Variants in ATRNL1 observed in about 807,000 individuals in gnomAD.
ATRNL1 encodes the protein attractin like 1, also known as attractin-like protein 1.
A neutral mutation model predicts 182.7 loss-of-function variants in ATRNL1; 95 were observed. That is an observed-to-expected ratio of 0.52 (90% CI 0.44 to 0.62). The LOEUF (loss-of-function observed/expected upper bound fraction) is 0.62, where lower values mean the gene tolerates loss of function less well. Ranked by LOEUF, ATRNL1 falls within the 20% of genes least tolerant of loss-of-function variation. ATRNL1 has a pLI of 0.00. For synonymous variants in ATRNL1, 576 were observed against 568.3 expected (o/e 1.01, Z -0.19); for missense variants, 1,471 against 1,679.5 (o/e 0.88, Z 2.17).
chr10:115,422,071 C>T (rs635813), intron 20 of ATRNL1, among the ~76,000 whole-genome samples: 7 of 151,960 alleles, frequency 4.6e-5, no homozygotes, highest in Admixed American at 2.6e-4. Flanking sequence ...CTTAAATGTA[C>T]GACCCAAAAC....
chr10:115,830,077 T>A (rs1336248798), intron 27 of ATRNL1, among the ~76,000 whole-genome samples: 1 of 152,230 alleles, frequency 6.6e-6, no homozygotes, highest in African/African-American at 2.4e-5. Context: ...GCCCTAATAC[T>A]GCCAAAGTCT....
chr10:115,274,064 G>A (rs1315148210), intron 13 of ATRNL1, among the ~76,000 whole-genome samples: 1 of 152,194 alleles, frequency 6.6e-6, no homozygotes, highest in Admixed American at 6.5e-5. Flanking sequence ...GTTATCTGCA[G>A]AGGATGGTGA....
At chr10:115,941,341 G>A (rs1555124218) in intron 28 of ATRNL1, among the ~76,000 whole-genome samples, 2 of 152,198 alleles carry the variant, frequency 1.3e-5, no homozygotes, top group African/African-American at 4.8e-5. Context: ...CCCAGGACAT[G>A]TTGTCAGAGA....
intron 24 of ATRNL1, among the ~76,000 whole-genome samples, chr10:115,505,085 G>GTAC (rs1360511679): frequency 6.6e-6 from 1 of 152,072 alleles, no homozygotes; most frequent in Non-Finnish European, 1.5e-5. Context: ...AAAAAGTCTG[G>GTAC]TGGTGCTAGA....
At chr10:115,319,401 G>T (rs543499775) in intron 18 of ATRNL1, among the ~76,000 whole-genome samples, 1 of 152,238 alleles carries the variant, frequency 6.6e-6, no homozygotes, top group South Asian at 2.1e-4. Context: ...AGTCTATTAG[G>T]TCCACCTGAT....
At chr10:115,675,914 G>A (rs10885766) in intron 26 of ATRNL1, among the ~76,000 whole-genome samples, 11,066 of 152,108 alleles carry the variant, frequency 0.073, 559 homozygotes, top group Non-Finnish European at 0.11. Context: ...AGTCGAGATC[G>A]CAGGAATCCA....
chr10:115,779,523 C>T (rs1399760604), intron 27 of ATRNL1, among the ~76,000 whole-genome samples: 1 of 152,198 alleles, frequency 6.6e-6, no homozygotes, highest in Non-Finnish European at 1.5e-5. Context: ...ATCAAGGGCA[C>T]CTACCAGAAA....
At chr10:115,888,909 T>C (rs1049330260) in intron 28 of ATRNL1, among the ~76,000 whole-genome samples, 4 of 152,186 alleles carry the variant, frequency 2.6e-5, no homozygotes, top group Admixed American at 6.5e-5. Flanking sequence ...GACATTTCGT[T>C]GGCTGGAACT....
At chr10:115,420,139 G>C (rs113293134) in intron 20 of ATRNL1, among the ~76,000 whole-genome samples, 1,865 of 151,226 alleles carry the variant, frequency 0.012, 15 homozygotes, top group South Asian at 0.034. Flanking sequence ...CGCCTCCCAG[G>C]TTCCAGCAAT....
Position 115,396,523 on chromosome 10 carries a change from G to T in ATRNL1, c.3269+1771G>T, listed in dbSNP as rs181318835. Among the ~76,000 whole-genome samples, 199 of 151,908 alleles carry T rather than the reference G, an allele frequency of 1.3e-3. 1 individual carries two copies. The highest frequency in any genetic ancestry group is 4.5e-3 in the African/African-American group (188 of 41,488). Reference sequence around the variant, plus strand: ...TTTGCACAATGTTCTCCTATTCCCTGCAATTATGTATAATAGCATGTTCTG... The same window carrying T: ...TTTGCACAATGTTCTCCTATTCCCTTCAATTATGTATAATAGCATGTTCTG... On this transcript the variant is annotated intron_variant, in intron 20 of 28. Coordinates refer to ENST00000355044, the MANE Select transcript of ATRNL1 (RefSeq NM_207303.4).
At chr10:115,564,948 TTGA>T (rs1361531415) in intron 26 of ATRNL1, among the ~76,000 whole-genome samples, 8 of 152,154 alleles carry the variant, frequency 5.3e-5, no homozygotes, top group East Asian at 3.9e-4. Flanking sequence ...TTCACATCTA[TTGA>T]TGAGAAGTCA....
intron 21 of ATRNL1, among the ~76,000 whole-genome samples, chr10:115,427,337 C>T (rs1845949688): frequency 6.6e-6 from 1 of 152,072 alleles, no homozygotes; most frequent in Non-Finnish European, 1.5e-5. Context: ...AACAAATTTT[C>T]CACATACTTC....
At chr10:115,791,127 C>A (rs2907580) in intron 27 of ATRNL1, among the ~76,000 whole-genome samples, 118,124 of 152,080 alleles carry the variant, frequency 0.78, 46,012 homozygotes, top group African/African-American at 0.83. Flanking sequence ...TTTTCTCCCC[C>A]AGGTCCACAT....
intron 27 of ATRNL1, among the ~76,000 whole-genome samples, chr10:115,817,255 A>T (rs1335049324): frequency 6.6e-6 from 1 of 152,074 alleles, no homozygotes; most frequent in East Asian, 1.9e-4. Flanking sequence ...CTTTGAATTG[A>T]GGATCAATAT....
chr10:115,366,730 T>A (rs1857064173), intron 19 of ATRNL1, among the ~76,000 whole-genome samples: 1 of 152,014 alleles, frequency 6.6e-6, no homozygotes, highest in African/African-American at 2.4e-5. Context: ...ACAAAATCGG[T>A]TAGCATTTGC....
At chr10:115,126,182 C>T (rs925582393) in intron 3 of ATRNL1, among the ~76,000 whole-genome samples, 11 of 152,114 alleles carry the variant, frequency 7.2e-5, no homozygotes, top group South Asian at 2.1e-4. Context: ...CTCAGCCTCC[C>T]GAGTAGCTGA....
intron 26 of ATRNL1, among the ~76,000 whole-genome samples, chr10:115,586,982 C>G (rs1366842043): frequency 3.8e-4 from 53 of 140,278 alleles, no homozygotes; most frequent in African/African-American, 1.3e-3. Flanking sequence ...AGACAGGACC[C>G]TCAGCTGCAG....
At chr10:115,491,545 G>A (rs1377320083) in intron 24 of ATRNL1, among the ~76,000 whole-genome samples, 1 of 152,096 alleles carries the variant, frequency 6.6e-6, no homozygotes, top group African/African-American at 2.4e-5. Flanking sequence ...TGTTTACACT[G>A]TGAGGGCAAA....
chr10:115,599,445 C>T (rs1461629459), intron 26 of ATRNL1, among the ~76,000 whole-genome samples: 3 of 152,072 alleles, frequency 2.0e-5, no homozygotes, highest in African/African-American at 4.8e-5. Flanking sequence ...TTGTACTTCC[C>T]ATTTGTTATA....
Sources: gnomAD v4.1 joint callset for allele counts (sites outside exome capture counted in the v4.1 genomes callset) on GRCh38, gnomAD v4.1.1 for gene constraint, MANE v1.5 for transcripts, NCBI Gene and HGNC (gene_info 2026-07-23, HGNC 2026-07-21) for gene names.